GNG7: variants seen among roughly 807,000 people sequenced by gnomAD.
The protein encoded by GNG7 is G protein subunit gamma 7, also known as guanine nucleotide-binding protein G(I)/G(S)/G(O) subunit gamma-7.
A neutral mutation model predicts 4.0 loss-of-function variants in GNG7; 1 was observed. The ratio of observed to expected loss-of-function variants is 0.25; its 90% CI spans 0.09 to 1.18. The LOEUF (loss-of-function observed/expected upper bound fraction) is 1.18, where lower values mean the gene tolerates loss of function less well. Ranked by LOEUF, GNG7 falls within the 50% of genes most tolerant of loss-of-function variation. GNG7 has a pLI of 0.50. For synonymous variants in GNG7, 34 were observed against 36.9 expected (o/e 0.92, Z 0.29); for missense variants, 86 against 91.9 (o/e 0.94, Z 0.26).
At chr19:2,645,243 C>CTTTTT (rs10674864) in intron 2 of GNG7, among the ~76,000 whole-genome samples, 1 of 135,520 alleles carries the variant, frequency 7.4e-6, no homozygotes, top group Non-Finnish European at 1.5e-5. Flanking sequence ...CTCTCTCTCT[C>CTTTTT]TTTTTTTTTT....
intron 2 of GNG7, among the ~76,000 whole-genome samples, chr19:2,571,473 G>T (rs1980143493): frequency 6.6e-6 from 1 of 152,058 alleles, no homozygotes. Context: ...GCGTGGTTAG[G>T]CCACGTTGCA....
chr19:2,572,668 G>A (rs10416569), intron 2 of GNG7, among the ~76,000 whole-genome samples: 41,887 of 148,930 alleles, frequency 0.28, 7,315 homozygotes, highest in African/African-American at 0.5. Flanking sequence ...TCCTTATCTC[G>A]GTGAAGCCTT....
At chr19:2,573,961 C>T (rs1378833396) in intron 2 of GNG7, among the ~76,000 whole-genome samples, 2 of 152,222 alleles carry the variant, frequency 1.3e-5, no homozygotes, top group Non-Finnish European at 2.9e-5. Context: ...TGGGACATAC[C>T]GTGGGTGCCA....
At chr19:2,693,103 C>T (rs1352373566) in intron 1 of GNG7, among the ~76,000 whole-genome samples, 2 of 151,638 alleles carry the variant, frequency 1.3e-5, no homozygotes, top group African/African-American at 4.9e-5. Context: ...CCAGCCTGGG[C>T]AACATAGTGA....
chr19:2,616,737 G>T, intron 2 of GNG7, among the ~76,000 whole-genome samples: 1 of 151,844 alleles, frequency 6.6e-6, no homozygotes, highest in Non-Finnish European at 1.5e-5. Flanking sequence ...CCGAGATCAC[G>T]CCATCGCACT....
intron 2 of GNG7, among the ~76,000 whole-genome samples, chr19:2,558,476 C>A (rs1979635918): frequency 6.6e-6 from 1 of 152,130 alleles, no homozygotes; most frequent in African/African-American, 2.4e-5. Flanking sequence ...CCAAGCGATC[C>A]TCCCACCTTG....
chr19:2,553,866 A>G (rs1412147053), intron 3 of GNG7, among the ~76,000 whole-genome samples: 3 of 88,318 alleles, frequency 3.4e-5, no homozygotes, highest in Admixed American at 1.0e-4. Flanking sequence ...TATTATATGT[A>G]ACATTGCATA....
chr19:2,589,300 G>A (rs950549405), intron 2 of GNG7, among the ~76,000 whole-genome samples: 1 of 146,674 alleles, frequency 6.8e-6, no homozygotes, highest in African/African-American at 2.5e-5. Context: ...TCAGCTCACT[G>A]TAACCTCCGC....
chr19:2,671,310 T>C (rs1488094776), intron 1 of GNG7, among the ~76,000 whole-genome samples: 1 of 152,034 alleles, frequency 6.6e-6, no homozygotes, highest in African/African-American at 2.4e-5. Context: ...ACCCTGGCAG[T>C]TGCAGGAAGG....
chr19:2,526,624 T>C (rs1164291207), intron 3 of GNG7, among the ~76,000 whole-genome samples: 1 of 118,874 alleles, frequency 8.4e-6, no homozygotes, highest in African/African-American at 3.6e-5. Flanking sequence ...TTTTAGTATT[T>C]AGTATGTATT....
intron 1 of GNG7, among the ~76,000 whole-genome samples, chr19:2,665,800 T>C (rs1024420456): frequency 6.6e-6 from 1 of 152,238 alleles, no homozygotes; most frequent in African/African-American, 2.4e-5. Context: ...GTCTGAGCCA[T>C]GGGTCATGGC....
At chr19:2,584,100 C>T (rs1382140534) in intron 2 of GNG7, among the ~76,000 whole-genome samples, 3 of 151,702 alleles carry the variant, frequency 2.0e-5, no homozygotes, top group African/African-American at 7.3e-5. Flanking sequence ...CTTTTTGGGC[C>T]AGAAAGTAAG....
chr19:2,670,009 CAAA>C (rs796312127), intron 1 of GNG7, among the ~76,000 whole-genome samples: 1,843 of 78,050 alleles, frequency 0.024, 34 homozygotes, highest in African/African-American at 0.074. Flanking sequence ...GACTCTGTCT[CAAA>C]AAAAAAAAAA....
chr19:2,644,823 T>G (rs1982623085), intron 2 of GNG7, among the ~76,000 whole-genome samples: 2 of 152,308 alleles, frequency 1.3e-5, no homozygotes, highest in South Asian at 4.1e-4. Flanking sequence ...CATGGCTGAG[T>G]AACACTCCAT....
At chr19:2,573,129 G>A (rs146263646) in intron 2 of GNG7, among the ~76,000 whole-genome samples, 2,065 of 150,326 alleles carry the variant, frequency 0.014, 40 homozygotes, top group African/African-American at 0.047. Flanking sequence ...AGGTTCAAGC[G>A]ATTCTCCTGC....
chr19:2,553,705 CATATA>C (rs148342406), intron 3 of GNG7, among the ~76,000 whole-genome samples: 5,653 of 140,318 alleles, frequency 0.04, 500 homozygotes, highest in African/African-American at 0.13. Flanking sequence ...GTGCACATTA[CATATA>C]ATATATTACA....
chr19:2,578,857 G>C (rs1411684875), intron 2 of GNG7, among the ~76,000 whole-genome samples: 1 of 152,242 alleles, frequency 6.6e-6, no homozygotes, highest in Non-Finnish European at 1.5e-5. Flanking sequence ...ACAGAGCTGG[G>C]AAGGGGTGGA....
At chr19:2,648,346 C>T (rs1046142701) in intron 1 of GNG7, among the ~76,000 whole-genome samples, 15 of 149,720 alleles carry the variant, frequency 1.0e-4, no homozygotes, top group African/African-American at 3.7e-4. Context: ...CAGTGATCTG[C>T]GATTGTGCCA....
intron 4 of GNG7, among the ~76,000 whole-genome samples, chr19:2,515,659 C>G (rs936833987): frequency 6.6e-6 from 1 of 151,922 alleles, no homozygotes; most frequent in Non-Finnish European, 1.5e-5. Context: ...AACTCCTGAC[C>G]TCGCGATATG....
Sources: gnomAD v4.1 joint callset for allele counts (sites outside exome capture counted in the v4.1 genomes callset) on GRCh38, gnomAD v4.1.1 for gene constraint, MANE v1.5 for transcripts, NCBI Gene and HGNC (gene_info 2026-07-23, HGNC 2026-07-21) for gene names.